The following PDXK variants were observed in gnomAD, a reference collection of about 807,000 sequenced individuals.
PDXK encodes pyridoxal kinase, also known as epididymis secretory sperm binding protein Li 1a.
Under a neutral mutation model 43.2 loss-of-function variants are expected in PDXK, and 15 were observed. The observed-to-expected ratio is 0.35, with a 90% CI of 0.23 to 0.53. The LOEUF (loss-of-function observed/expected upper bound fraction) is 0.53. Among genes scored for constraint, PDXK ranks in the 20% least tolerant of loss-of-function variants. The pLI is 0.92. For synonymous variants in PDXK, 172 were observed against 165.4 expected, an observed-to-expected ratio of 1.04 and a Z score of -0.31; for missense variants, 343 against 417.0, an observed-to-expected ratio of 0.82 and a Z score of 1.54.
chr21:43,730,157 CAG>C lies in PDXK; in HGVS notation c.88-3909_88-3908del, dbSNP rs564568982. 8.5e-5 allele frequency among the ~76,000 whole-genome samples: 13 copies of C among 152,106 alleles called. No homozygotes were observed. The South Asian group carries it at 2.7e-3, about 32-fold the overall frequency. Reference sequence around the variant, plus strand: ...TGGTTTGATTTGAATTTTTTTGAGGCAGAGTCTCTCTCTGTCACCCAGGCTAG... The same window carrying C: ...TGGTTTGATTTGAATTTTTTTGAGGCAGTCTCTCTCTGTCACCCAGGCTAG... On this transcript the variant is annotated intron_variant, in intron 1 of 10. Transcript: ENST00000291565.
At chr21:43,733,976 T>C in intron 1 of PDXK, 93 bp from the exon 2 acceptor site, 1 of 1,284,032 alleles carries the variant, frequency 7.8e-7, no homozygotes, top group Non-Finnish European at 1.1e-6. Flanking sequence ...CCGGGACTCA[T>C]TTACTCCCCT....
chr21:43,731,146 G>C (rs1039793409), intron 1 of PDXK, among the ~76,000 whole-genome samples: 7 of 152,100 alleles, frequency 4.6e-5, no homozygotes, highest in African/African-American at 1.7e-4. Context: ...ATATGACTCA[G>C]TTTTTAATAA....
Position 43,756,377 on chromosome 21 carries a change from G to A in PDXK, c.*314G>A, listed in dbSNP as rs998233497. Reference sequence around the variant, plus strand: ...TGGGAGGGTGAGTGGGTGAGGCCGAGCCTGCTGCGTGTGGAGCCTCGAGTG... The same window carrying A: ...TGGGAGGGTGAGTGGGTGAGGCCGAACCTGCTGCGTGTGGAGCCTCGAGTG... On this transcript the variant is annotated 3_prime_UTR_variant, in exon 11 of 11. Transcript: ENST00000291565. 1 of 306,902 alleles carries A rather than the reference G, an allele frequency of 3.3e-6. No homozygotes were observed. Among genetic ancestry groups the A allele is most frequent in the Non-Finnish European group, 6.3e-6 (1 of 158,812 alleles). 19.0% of individuals were successfully genotyped at this position (306,902 alleles called of 1,614,324 possible).
In PDXK at chr21:43,750,524, C is replaced by G. The variant is rs768757447; in HGVS notation, c.489C>G (p.His163Gln). The change falls in exon 7 of 11, where the codon CAC becomes CAG. Residue 163 changes from histidine to glutamine, a missense_variant. By Grantham distance (24) the His-to-Gln change is conservative (BLOSUM62 0). Transcript: ENST00000291565. Reference protein sequence around the residue: ...EAELLSGRKIHSQEEALRVMD... With the variant: ...EAELLSGRKIQSQEEALRVMD... ...GGTTACTGAGTGGCCGGAAGATCCA[C>G]AGCCAGGAGGAAGCCTTGCGGGTAA... 1.7e-5 allele frequency: 28 copies of G among 1,613,246 alleles called. No homozygotes were observed. Among genetic ancestry groups the G allele is most frequent in the Non-Finnish European group, 2.4e-5 (28 of 1,179,536 alleles).
At chr21:43,753,741 C>T in intron 9 of PDXK, 22 bp downstream of exon 9, 1 of 1,595,662 alleles carries the variant, frequency 6.3e-7, no homozygotes, top group Non-Finnish European at 8.6e-7. Flanking sequence ...GCACCGCTCC[C>T]CTCCTCGCCC....
At chr21:43,727,597 CCTAGGACAG>C (rs1348539979) in intron 1 of PDXK, among the ~76,000 whole-genome samples, 1 of 152,132 alleles carries the variant, frequency 6.6e-6, no homozygotes, top group East Asian at 1.9e-4. Flanking sequence ...ATGTGGTCAC[CCTAGGACAG>C]CTAAACGAGG....
At chr21:43,740,826 T>C (rs2083486691) in intron 2 of PDXK, among the ~76,000 whole-genome samples, 1 of 151,484 alleles carries the variant, frequency 6.6e-6, no homozygotes, top group South Asian at 2.1e-4. Flanking sequence ...AATTGCACCT[T>C]AATAAGCTTG....
chr21:43,748,893 G>A (rs548256703), intron 5 of PDXK, 102 bp from the exon 6 acceptor site: 2 of 711,376 alleles, frequency 2.8e-6, no homozygotes, highest in African/African-American at 1.8e-5. Context: ...GGACTTCAGG[G>A]GGCTTTTGGG....
intron 2 of PDXK, among the ~76,000 whole-genome samples, chr21:43,739,732 T>A (rs2083461479): frequency 6.6e-6 from 1 of 151,736 alleles, no homozygotes; most frequent in African/African-American, 2.4e-5. Context: ...GGAACTGCAA[T>A]TCAAGATGAG....
At chr21:43,726,563 C>T (rs115318260) in intron 1 of PDXK, among the ~76,000 whole-genome samples, 3,410 of 152,180 alleles carry the variant, frequency 0.022, 60 homozygotes, top group Non-Finnish European at 0.033. Flanking sequence ...GCTGAGCCAC[C>T]GCGCCCGGCC....
chr21:43,726,737 C>T (rs1013005673), intron 1 of PDXK, among the ~76,000 whole-genome samples: 2 of 152,104 alleles, frequency 1.3e-5, no homozygotes, highest in African/African-American at 4.8e-5. Flanking sequence ...TCTATTTTTC[C>T]CTCTTGCCTC....
rs562129929 is a variant in PDXK, at chr21:43,761,904, G to C, written c.*5841G>C. ...GACGTGAGTCCTCAGCTGGCTCCGCGTGGGCCCTTGGAGGGTGCCAGGTGT... is the reference window on the plus strand; with the variant it reads ...GACGTGAGTCCTCAGCTGGCTCCGCCTGGGCCCTTGGAGGGTGCCAGGTGT... On this transcript the variant is annotated 3_prime_UTR_variant, in exon 11 of 11. Coordinates refer to ENST00000291565, the MANE Select transcript of PDXK (RefSeq NM_003681.5). The C allele has an allele frequency of 1.3e-5, 2 of 153,794 alleles. No individual in the cohort carries two copies. The highest frequency in any genetic ancestry group is 3.9e-4 in the East Asian group (2 of 5,184). 9.5% of individuals were successfully genotyped at this position (153,794 alleles called of 1,614,324 possible).
At chr21:43,719,477 G>A in intron 1 of PDXK, 96 bp downstream of exon 1, 3 of 1,343,614 alleles carry the variant, frequency 2.2e-6, no homozygotes, top group Non-Finnish European at 3.0e-6. Flanking sequence ...GGGAGGCTCG[G>A]GAGCTGCGGG....
At chr21:43,731,205 G>A (rs990549243) in intron 1 of PDXK, among the ~76,000 whole-genome samples, 1 of 152,132 alleles carries the variant, frequency 6.6e-6, no homozygotes, top group Non-Finnish European at 1.5e-5. Flanking sequence ...CAATCGCGTG[G>A]CCCAATCCAT....
Position 43,746,104 on chromosome 21 carries a change from G to C in PDXK, c.357G>C (p.Lys119Asn). 1.4e-5 allele frequency: 22 copies of C among 1,613,870 alleles called. No individual in the cohort carries two copies. Among genetic ancestry groups the C allele is most frequent in the Non-Finnish European group, 1.9e-5 (22 of 1,179,700 alleles). The change falls in exon 5 of 11, where the codon AAG becomes AAC. Residue 119 changes from lysine to asparagine, a missense_variant. Coordinates refer to ENST00000291565, the MANE Select transcript of PDXK (RefSeq NM_003681.5). ...VYVCDPVLGD[K>N]WDGEGSMYVP... ...TGTGTGATCCAGTCTTGGGTGACAA[G>C]TGGGACGGCGAAGGCTCGATGGTGA... is the stretch of plus-strand genomic sequence containing the variant.
In PDXK at chr21:43,752,510, A is replaced by G; in HGVS notation, c.511-8A>G. Reference sequence around the variant, plus strand: ...GGCCGTGGCTGACGCTCCCTGTGCCACTGCTAGGTGATGGACATGCTGCAC... The same window carrying G: ...GGCCGTGGCTGACGCTCCCTGTGCCGCTGCTAGGTGATGGACATGCTGCAC... On this transcript the variant is annotated splice_polypyrimidine_tract_variant and splice_region_variant and intron_variant, in intron 7 of 10. Coordinates refer to ENST00000291565, the MANE Select transcript of PDXK (RefSeq NM_003681.5). 1 of 1,596,948 alleles carries G rather than the reference A, an allele frequency of 6.3e-7. No individual in the cohort carries two copies. The highest frequency in any genetic ancestry group is 8.6e-7 in the Non-Finnish European group (1 of 1,168,354).
chr21:43,737,779 C>T lies in PDXK; in HGVS notation c.142+3656C>T, dbSNP rs181840143. 1 of 985,460 alleles carries T rather than the reference C, an allele frequency of 1.0e-6. No homozygotes were observed. Among genetic ancestry groups the T allele is most frequent in the East Asian group, 1.1e-4 (1 of 8,816 alleles). The allele number at this position is 985,460 out of a possible 1,614,324, so 61.0% of individuals were successfully genotyped here. ...GCCAGACTCCCTGGCCGGCTGGGAT[C>T]TGACAGGAGTGCCAGGCTCCTTGGG... On this transcript the variant is annotated intron_variant, in intron 2 of 10. Transcript: ENST00000291565. This position sits in a 1 kb window ranked among gnomAD's most constrained non-coding sequence, Gnocchi z 4.8.
Position 43,753,705 on chromosome 21 carries a change from C to G in PDXK, c.745C>G (p.Pro249Ala), listed in dbSNP as rs1483859682. The G allele has an allele frequency of 6.2e-7, 1 of 1,612,652 alleles. No individual in the cohort carries two copies. The highest frequency in any genetic ancestry group is 1.1e-5 in the South Asian group (1 of 90,902). ...GCTCCTGGCGTGGACACACAAGCAC[C>G]CCAATAACCTCAAGGTCAGCCACAC... is the stretch of plus-strand genomic sequence containing the variant. The part of the protein sequence containing the change: ...AMLLAWTHKH[P>A]NNLKVACEKT... Residue 249 changes from proline (P) to alanine (A), a missense_variant, in exon 9 of 11, where the codon CCC becomes GCC. Coordinates refer to ENST00000291565, the MANE Select transcript of PDXK (RefSeq NM_003681.5).
chr21:43,743,734 G>A lies in PDXK; in HGVS notation c.258G>A (p.Arg86=). 6.2e-7 allele frequency: 1 copy of A among 1,612,860 alleles called. No homozygotes were observed. Among genetic ancestry groups the A allele is most frequent in the East Asian group, 2.2e-5 (1 of 44,866 alleles). Residue 86 remains arginine (R), a synonymous_variant, in exon 4 of 11, where the codon AGG becomes AGA. Transcript: ENST00000291565. ...KYDYVLTGYT[R]DKSFLAMVVD... ...ATTCTCCCCCTAAAGGTTATACGAGGGACAAGTCGTTCCTGGCCATGGTGG... is the reference window on the plus strand; with the variant it reads ...ATTCTCCCCCTAAAGGTTATACGAGAGACAAGTCGTTCCTGGCCATGGTGG...
Sources: gnomAD v4.1 joint callset for allele counts (sites outside exome capture counted in the v4.1 genomes callset) on GRCh38, gnomAD v4.1.1 for gene constraint, Gnocchi (gnomAD v3.1) non-coding constraint, MANE v1.5 for transcripts, NCBI Gene and HGNC (gene_info 2026-07-23, HGNC 2026-07-21) for gene names.